Variants in ZNF79 observed in about 807,000 individuals in gnomAD.
The protein encoded by ZNF79 is ZNFpT7.
Under a neutral mutation model 14.9 loss-of-function variants are expected in ZNF79, and 13 were observed. That is an observed-to-expected ratio of 0.87 (90% CI 0.57 to 1.38). The LOEUF (loss-of-function observed/expected upper bound fraction) is 1.38. ZNF79 is among the 40% of genes most tolerant of loss of function. ZNF79 has a pLI of 0.00. For missense variants in ZNF79, 631 were observed against 630.6 expected, an observed-to-expected ratio of 1.00 and a Z score of -0.01; for synonymous variants, 223 against 235.1, an observed-to-expected ratio of 0.95 and a Z score of 0.47.
At position 127,436,012 on chromosome 9, in the gene ZNF79, G is replaced by A; in HGVS notation, c.328+9G>A. 3 of 1,613,354 alleles carry A rather than the reference G, an allele frequency of 1.9e-6. No homozygotes were observed. Among genetic ancestry groups the A allele is most frequent in the Non-Finnish European group, 8.5e-7 (1 of 1,179,294 alleles). On this transcript the variant is annotated intron_variant, in intron 4 of 4. Transcript: ENST00000342483. The stretch of plus-strand genomic sequence containing the variant: ...GCGAAGTCCCTCTCCAGGTATGTGA[G>A]CAAGCACTTAGCCAGTGGGAGTCTT...
Position 127,444,058 on chromosome 9 carries a change from G to C in ZNF79, c.358G>C (p.Glu120Gln). ...GWKIISGSPPEQALSEASFQD... is the reference protein window; with the variant it reads ...GWKIISGSPPQQALSEASFQD... ...GAAGATTATATCTGGATCACCACCA[G>C]AGCAAGCCCTTTCTGAAGCTTCATT... Residue 120 changes from glutamate to glutamine, a missense_variant, in exon 5 of 5, where the codon GAG becomes CAG. Glu to Gln is a conservative substitution (Grantham distance 29). Coordinates refer to ENST00000342483, the MANE Select transcript of ZNF79 (RefSeq NM_007135.3). 6.2e-7 allele frequency: 1 copy of C among 1,605,954 alleles called. No individual in the cohort carries two copies. Among genetic ancestry groups the C allele is most frequent in the Non-Finnish European group, 8.5e-7 (1 of 1,175,670 alleles).
At chr9:127,442,542 G>GC (rs1255226065) in intron 4 of ZNF79, among the ~76,000 whole-genome samples, 1 of 152,134 alleles carries the variant, frequency 6.6e-6, no homozygotes. Context: ...GGATGTGAAG[G>GC]CCGAGGGCAT....
At chr9:127,439,388 A>C (rs1318746360) in intron 4 of ZNF79, among the ~76,000 whole-genome samples, 1 of 152,210 alleles carries the variant, frequency 6.6e-6, no homozygotes, top group South Asian at 2.1e-4. Flanking sequence ...ATTAACATAT[A>C]TCTGAAAAAA....
chr9:127,435,265 C>A, intron 3 of ZNF79, 49 bp downstream of exon 3: 1 of 1,539,886 alleles, frequency 6.5e-7, no homozygotes, highest in Non-Finnish European at 8.7e-7. Context: ...TTCTGAAAAT[C>A]TGTGGCACTT....
At chr9:127,432,273 G>A (rs1356596444) in intron 2 of ZNF79, among the ~76,000 whole-genome samples, 5 of 150,696 alleles carry the variant, frequency 3.3e-5, no homozygotes, top group Admixed American at 6.6e-5. Context: ...TCAGCCTCCC[G>A]AGTAGCTGGG....
At chr9:127,437,446 A>G (rs890024915) in intron 4 of ZNF79, among the ~76,000 whole-genome samples, 4 of 151,992 alleles carry the variant, frequency 2.6e-5, no homozygotes, top group Non-Finnish European at 5.9e-5. Context: ...GGCGAGGGGA[A>G]CAACTGCCTT....
At chr9:127,442,111 C>T (rs1331873331) in intron 4 of ZNF79, among the ~76,000 whole-genome samples, 1 of 150,824 alleles carries the variant, frequency 6.6e-6, no homozygotes, top group East Asian at 2.0e-4. Context: ...GAGCGAAGCT[C>T]CATATTAGGC....
Position 127,445,218 on chromosome 9 carries a change from G to A in ZNF79, c.*21G>A, listed in dbSNP as rs547424256. Reference sequence around the variant, plus strand: ...AGTAACTAGGAACATGGTAGAAGTGGAGAGAGTCCCGGACATGCCGACTCA... The same window carrying A: ...AGTAACTAGGAACATGGTAGAAGTGAAGAGAGTCCCGGACATGCCGACTCA... On this transcript the variant is annotated 3_prime_UTR_variant, in exon 5 of 5. Coordinates refer to ENST00000342483, the MANE Select transcript of ZNF79 (RefSeq NM_007135.3). 1.9e-6 allele frequency: 3 copies of A among 1,610,148 alleles called. No individual in the cohort carries two copies. The South Asian group carries it at 3.3e-5, about 18-fold the overall frequency.
chr9:127,428,920 G>T lies in ZNF79; in HGVS notation c.105G>T (p.Arg35=). 1 of 1,573,756 alleles carries T rather than the reference G, an allele frequency of 6.4e-7. No individual in the cohort carries two copies. Among genetic ancestry groups the T allele is most frequent in the Non-Finnish European group, 8.6e-7 (1 of 1,158,986 alleles). The change falls in exon 2 of 5, where the codon CGG becomes CGT. Residue 35 remains arginine, a splice_region_variant and synonymous_variant. Coordinates refer to ENST00000342483, the MANE Select transcript of ZNF79 (RefSeq NM_007135.3). ...CTGGTCTCCTCACAGCTGGGCCCCG[G>T]GTAAGTTGGAAATTAACTTTGGAAG... ...MAAGLLTAGP[R]GSTFFSSVTV...
intron 3 of ZNF79, among the ~76,000 whole-genome samples, chr9:127,435,668 G>A (rs1332266475): frequency 3.3e-5 from 5 of 152,148 alleles, no homozygotes; most frequent in African/African-American, 4.8e-5. Flanking sequence ...CCTGAGACCA[G>A]CCTGAGGAAC....
intron 4 of ZNF79, among the ~76,000 whole-genome samples, chr9:127,437,350 T>A (rs949419980): frequency 7.6e-5 from 11 of 143,966 alleles, no homozygotes; most frequent in Non-Finnish European, 1.4e-4. Context: ...CCCCCCCCGC[T>A]GCCTGGGCAT....
chr9:127,444,342 C>G lies in ZNF79; in HGVS notation c.642C>G (p.Ser214Arg). The change falls in exon 5 of 5, where the codon AGC (serine) becomes AGG (arginine). Residue 214 changes from serine to arginine, a missense_variant. Physicochemically the swap from Ser to Arg is moderately radical, Grantham distance 110 (BLOSUM62 -1). Coordinates refer to ENST00000342483, the MANE Select transcript of ZNF79 (RefSeq NM_007135.3). ...CTTCCCTTTCTCAGCATCAGAAGAGCCACACTGGAGAGAAGCCCTATGAGT... is the reference window on the plus strand; with the variant it reads ...CTTCCCTTTCTCAGCATCAGAAGAGGCACACTGGAGAGAAGCCCTATGAGT... ...YCSSLSQHQKSHTGEKPYECS... is the reference protein window; with the variant it reads ...YCSSLSQHQKRHTGEKPYECS... The G allele has an allele frequency of 6.2e-7, 1 of 1,614,042 alleles. No homozygotes were observed. Among genetic ancestry groups the G allele is most frequent in the Non-Finnish European group, 8.5e-7 (1 of 1,179,900 alleles).
chr9:127,444,041 T>C lies in ZNF79; in HGVS notation c.341T>C (p.Ile114Thr), dbSNP rs1211599614. Residue 114 changes from isoleucine to threonine, a missense_variant, in exon 5 of 5, where the codon ATA becomes ACA. Transcript: ENST00000342483. ...LRSPSPGWKI[I>T]SGSPPEQALS... Reference sequence around the variant, plus strand: ...ATTTTTTTTTCAGGCTGGAAGATTATATCTGGATCACCACCAGAGCAAGCC... The same window carrying C: ...ATTTTTTTTTCAGGCTGGAAGATTACATCTGGATCACCACCAGAGCAAGCC... 1.3e-6 allele frequency: 2 copies of C among 1,586,498 alleles called. No individual in the cohort carries two copies. The highest frequency in any genetic ancestry group is 4.5e-5 in the East Asian group (2 of 44,382).
chr9:127,436,236 C>T (rs1833945973), intron 4 of ZNF79, among the ~76,000 whole-genome samples: 1 of 152,250 alleles, frequency 6.6e-6, no homozygotes, highest in Admixed American at 6.5e-5. Flanking sequence ...ACACACTCTT[C>T]CTCACCTCAT....
At chr9:127,429,678 A>G (rs1339674499) in intron 2 of ZNF79, among the ~76,000 whole-genome samples, 26 of 152,020 alleles carry the variant, frequency 1.7e-4, no homozygotes, top group Non-Finnish European at 1.5e-5. Flanking sequence ...TCTGCAATGA[A>G]CAAAGTAATT....
intron 4 of ZNF79, among the ~76,000 whole-genome samples, chr9:127,437,060 T>TA (rs769977106): frequency 0.42 from 51,640 of 123,592 alleles, 11,501 homozygotes; most frequent in Non-Finnish European, 0.5. Flanking sequence ...AACTCTGTCT[T>TA]AAAAAAAAAA....
At chr9:127,429,503 T>C (rs1344242949) in intron 2 of ZNF79, among the ~76,000 whole-genome samples, 2 of 150,436 alleles carry the variant, frequency 1.3e-5, no homozygotes, top group Admixed American at 1.3e-4. Flanking sequence ...TTTTTTTTTT[T>C]TAACTTTTGT....
chr9:127,434,253 G>A (rs538588506), intron 2 of ZNF79, among the ~76,000 whole-genome samples: 96 of 151,896 alleles, frequency 6.3e-4, no homozygotes, highest in Non-Finnish European at 1.2e-3. Context: ...CTCCCTCCCC[G>A]CCTTCCTGTT....
In ZNF79 at chr9:127,424,531, C is replaced by T; in HGVS notation, c.-257C>T. ...GGAAAGCTGGCAGCGGCTTTTTCAC[C>T]GGGTTCTGCTTGAGGCCGAGCCAAA... On this transcript the variant is annotated 5_prime_UTR_variant, in exon 1 of 5. Coordinates refer to ENST00000342483, the MANE Select transcript of ZNF79 (RefSeq NM_007135.3). 4.5e-6 allele frequency: 2 copies of T among 439,746 alleles called. No homozygotes were observed. The highest frequency in any genetic ancestry group is 3.6e-5 in the Admixed American group (1 of 27,508). The allele number at this position is 439,746 out of a possible 1,614,324, so 27.2% of individuals were successfully genotyped here. A position where few individuals can be genotyped will look rare whatever the true frequency, so the allele number is the denominator to read the frequency against.
Sources: gnomAD v4.1 joint callset for allele counts (sites outside exome capture counted in the v4.1 genomes callset) on GRCh38, gnomAD v4.1.1 for gene constraint, MANE v1.5 for transcripts, NCBI Gene and HGNC (gene_info 2026-07-23, HGNC 2026-07-21) for gene names.